NELL1: variants seen among roughly 807,000 people sequenced by gnomAD.
The protein encoded by NELL1 is neural EGFL like 1, also known as protein kinase C-binding protein NELL1.
A neutral mutation model predicts 107.4 loss-of-function variants in NELL1; 76 were observed. The ratio of observed to expected loss-of-function variants is 0.71; its 90% CI spans 0.59 to 0.86. NELL1 has a LOEUF of 0.86. Ranked by LOEUF, NELL1 falls within the 40% of genes least tolerant of loss-of-function variation. NELL1 has a pLI of 0.00. For synonymous variants in NELL1, 353 were observed against 341.2 expected, an observed-to-expected ratio of 1.03 and a Z score of -0.38; for missense variants, 1,024 against 1,005.5, an observed-to-expected ratio of 1.02 and a Z score of -0.25.
At chr11:21,249,836 A>T (rs1858592634) in intron 14 of NELL1, among the ~76,000 whole-genome samples, 1 of 152,236 alleles carries the variant, frequency 6.6e-6, no homozygotes, top group South Asian at 2.1e-4. Flanking sequence ...ACTGTCAGTT[A>T]AGTAAGGAAA....
chr11:21,318,777 T>C (rs1302963302), intron 14 of NELL1, among the ~76,000 whole-genome samples: 3 of 151,608 alleles, frequency 2.0e-5, no homozygotes, highest in East Asian at 1.9e-4. Context: ...TTTTTCTTTC[T>C]GTTGTGTTCC....
chr11:21,476,290 G>A (rs1026342724), intron 15 of NELL1, among the ~76,000 whole-genome samples: 2 of 152,044 alleles, frequency 1.3e-5, no homozygotes, highest in African/African-American at 2.4e-5. Context: ...AAGTGTTAGA[G>A]AACTGAGATA....
intron 5 of NELL1, among the ~76,000 whole-genome samples, chr11:20,911,757 A>G (rs1026573587): frequency 6.6e-6 from 1 of 152,194 alleles, no homozygotes; most frequent in Non-Finnish European, 1.5e-5. Flanking sequence ...GGCTCATTAC[A>G]AAGATACTTT....
intron 13 of NELL1, among the ~76,000 whole-genome samples, chr11:21,156,675 T>C (rs538249581): frequency 1.3e-5 from 2 of 152,088 alleles, no homozygotes; most frequent in Admixed American, 6.6e-5. Flanking sequence ...AGGTGAAGAT[T>C]GTTATTTTTG....
At chr11:21,477,732 A>G (rs1209314171) in intron 15 of NELL1, among the ~76,000 whole-genome samples, 1 of 152,108 alleles carries the variant, frequency 6.6e-6, no homozygotes, top group Non-Finnish European at 1.5e-5. Context: ...ATCCTAAGAT[A>G]CGTGACCTTT....
intron 12 of NELL1, among the ~76,000 whole-genome samples, chr11:21,021,012 A>AACAC (rs56813080): frequency 0.1 from 14,075 of 140,190 alleles, 781 homozygotes; most frequent in East Asian, 0.18. Flanking sequence ...AGAAACTTAG[A>AACAC]ACACACACAC....
chr11:21,067,933 C>T (rs1380710031), intron 12 of NELL1, among the ~76,000 whole-genome samples: 7 of 138,338 alleles, frequency 5.1e-5, no homozygotes, highest in Admixed American at 1.6e-4. Flanking sequence ...CCTGGGAGGT[C>T]GAGGCGGGAA....
intron 10 of NELL1, among the ~76,000 whole-genome samples, chr11:20,943,193 C>A (rs534113479): frequency 2.0e-4 from 30 of 152,010 alleles, no homozygotes; most frequent in Non-Finnish European, 4.1e-4. Flanking sequence ...CATTTATTGT[C>A]TTTCTATAGT....
chr11:21,256,806 C>G lies in NELL1; in HGVS notation c.1549+27352C>G, dbSNP rs184087529. 4.1e-3 allele frequency among the ~76,000 whole-genome samples: 628 copies of G among 151,966 alleles called. 2 individuals carry two copies. Among genetic ancestry groups the G allele is most frequent in the Non-Finnish European group, 6.2e-3 (424 of 67,942 alleles). ...AGACTGTGAGAAAAGGATTTGAGCT[C>G]ATAGATTGTATCTGGGAGGTGAGCA... On this transcript the variant is annotated intron_variant, in intron 14 of 19. Coordinates refer to ENST00000357134, the MANE Select transcript of NELL1 (RefSeq NM_006157.5).
At chr11:21,048,156 A>G (rs1037585150) in intron 12 of NELL1, among the ~76,000 whole-genome samples, 1 of 152,018 alleles carries the variant, frequency 6.6e-6, no homozygotes, top group African/African-American at 2.4e-5. Context: ...AACTCAGGAT[A>G]CTAATAGAAT....
At chr11:21,224,839 A>G (rs532108419) in intron 13 of NELL1, among the ~76,000 whole-genome samples, 2 of 152,154 alleles carry the variant, frequency 1.3e-5, no homozygotes, top group East Asian at 1.9e-4. Context: ...TCTTTGTTGA[A>G]TTTCTCATTC....
intron 15 of NELL1, among the ~76,000 whole-genome samples, chr11:21,394,489 G>A (rs536043310): frequency 1.3e-5 from 2 of 151,258 alleles, no homozygotes; most frequent in South Asian, 4.2e-4. Context: ...GAGTTCTAGG[G>A]GCTTGTCCAA....
intron 4 of NELL1, among the ~76,000 whole-genome samples, chr11:20,876,006 C>T (rs1849297919): frequency 6.6e-6 from 1 of 152,234 alleles, no homozygotes; most frequent in Admixed American, 6.5e-5. Flanking sequence ...CTCAAACCCC[C>T]TCCCACAGTG....
At chr11:20,973,170 A>G (rs193221336) in intron 12 of NELL1, among the ~76,000 whole-genome samples, 7 of 138,726 alleles carry the variant, frequency 5.0e-5, no homozygotes, top group African/African-American at 1.7e-4. Flanking sequence ...GTGCAATGGC[A>G]CAATCTCGGC....
rs191002423 is a variant in NELL1, at chr11:20,946,861, A to G, written c.1072-475A>G. Among the ~76,000 whole-genome samples, 14 of 152,336 alleles carry G rather than the reference A, an allele frequency of 9.2e-5. No homozygotes were observed. The East Asian group carries it at 2.7e-3, about 29-fold the overall frequency. On this transcript the variant is annotated intron_variant, in intron 10 of 19. Coordinates refer to ENST00000357134, the MANE Select transcript of NELL1 (RefSeq NM_006157.5). Reference sequence around the variant, plus strand: ...TAAGAGCAAGGAAGATTTGCTGTCTATCACTGGGTTCACAAAGCCTGTTAT... The same window carrying G: ...TAAGAGCAAGGAAGATTTGCTGTCTGTCACTGGGTTCACAAAGCCTGTTAT...
intron 14 of NELL1, among the ~76,000 whole-genome samples, chr11:21,277,467 C>T (rs1848893540): frequency 6.6e-6 from 1 of 151,464 alleles, no homozygotes; most frequent in African/African-American, 2.4e-5. Flanking sequence ...TAAACTAGTT[C>T]AACCATTGTG....
rs200266588 is a variant in NELL1 at position 21,229,455 on chromosome 11, G to C, written c.1549+1G>C. 2 of 1,613,690 alleles carry C rather than the reference G, an allele frequency of 1.2e-6. No individual in the cohort carries two copies. Among genetic ancestry groups the C allele is most frequent in the African/African-American group, 1.3e-5 (1 of 75,040 alleles). On this transcript the variant is annotated splice_donor_variant, in intron 14 of 19. Coordinates refer to ENST00000357134, the MANE Select transcript of NELL1 (RefSeq NM_006157.5). LOFTEE classifies it high-confidence loss of function. Reference sequence around the variant, plus strand: ...GTGGGGAACGGGACCATCTGCAGAGGTAGGCTTGCCGCCTTAGTGTTGAGT... The same window carrying C: ...GTGGGGAACGGGACCATCTGCAGAGCTAGGCTTGCCGCCTTAGTGTTGAGT...
chr11:21,160,383 G>A (rs1421260595), intron 13 of NELL1, among the ~76,000 whole-genome samples: 1 of 152,098 alleles, frequency 6.6e-6, no homozygotes, highest in African/African-American at 2.4e-5. Flanking sequence ...GATACCATCC[G>A]ACATGGTGTT....
intron 15 of NELL1, among the ~76,000 whole-genome samples, chr11:21,445,143 G>C (rs1564897395): frequency 6.6e-6 from 1 of 151,936 alleles, no homozygotes; most frequent in Admixed American, 6.6e-5. Flanking sequence ...TACAAAAACT[G>C]TTCTAGTTAT....
Sources: allele counts gnomAD v4.1 joint callset (sites outside exome capture counted in the v4.1 genomes callset), GRCh38; gene constraint gnomAD v4.1.1; transcripts MANE v1.5; gene names NCBI Gene and HGNC (gene_info 2026-07-23, HGNC 2026-07-21).